The following PDE1C variants were observed in gnomAD, a reference collection of about 807,000 sequenced individuals.
PDE1C encodes dual specificity calcium/calmodulin-dependent 3',5'-cyclic nucleotide phosphodiesterase 1C.
A neutral mutation model predicts 93.1 loss-of-function variants in PDE1C; 62 were observed. The ratio of observed to expected loss-of-function variants is 0.67; its 90% CI spans 0.54 to 0.82. PDE1C has a LOEUF of 0.82. PDE1C is among the 40% of genes least tolerant of loss of function. The pLI is 0.00. For synonymous variants in PDE1C, 325 were observed against 310.1 expected (o/e 1.05, Z -0.50); for missense variants, 742 against 884.6 (o/e 0.84, Z 2.04).
chr7:32,191,292 G>C (rs1804212524), intron 2 of PDE1C, among the ~76,000 whole-genome samples: 1 of 152,160 alleles, frequency 6.6e-6, no homozygotes, highest in Non-Finnish European at 1.5e-5. Flanking sequence ...ATCACAACCA[G>C]AATGTTGACA....
the PDE1C span, among the ~76,000 whole-genome samples, chr7:31,723,004 T>G: frequency 6.6e-6 from 1 of 152,224 alleles, no homozygotes; most frequent in Non-Finnish European, 1.5e-5. Context: ...ACCTGATCTT[T>G]TACTTAACTC....
intron 1 of PDE1C, among the ~76,000 whole-genome samples, chr7:32,337,272 A>C (rs1028654552): frequency 9.2e-5 from 14 of 152,172 alleles, no homozygotes; most frequent in African/African-American, 3.4e-4. Flanking sequence ...TCGGAAGTCA[A>C]TCTTGAACAA....
intron 11 of PDE1C, among the ~76,000 whole-genome samples, chr7:31,829,519 T>A (rs779929595): frequency 1.8e-4 from 27 of 152,118 alleles, no homozygotes; most frequent in Admixed American, 1.8e-3. Flanking sequence ...AACTGGATGA[T>A]TCTTCCTTCT....
At chr7:31,674,273 T>C in the PDE1C span, among the ~76,000 whole-genome samples, 1 of 152,122 alleles carries the variant, frequency 6.6e-6, no homozygotes, top group Non-Finnish European at 1.5e-5. Context: ...AATAGTATGC[T>C]TTGATGGAAG....
chr7:32,119,551 C>T (rs1387752474), intron 3 of PDE1C, among the ~76,000 whole-genome samples: 2 of 152,170 alleles, frequency 1.3e-5, no homozygotes, highest in African/African-American at 2.4e-5. Context: ...CAAAAAGAAC[C>T]ATAATAGCGT....
intron 5 of PDE1C, among the ~76,000 whole-genome samples, chr7:31,876,421 G>T (rs1286760830): frequency 6.6e-6 from 1 of 152,214 alleles, no homozygotes; most frequent in African/African-American, 2.4e-5. Context: ...ATCACAGTTT[G>T]TTCCAATTCT....
At chr7:32,364,925 T>C (rs1429312894) in intron 1 of PDE1C, among the ~76,000 whole-genome samples, 1 of 152,232 alleles carries the variant, frequency 6.6e-6, no homozygotes, top group Non-Finnish European at 1.5e-5. Context: ...CCCTTGCTTC[T>C]AGTCAGAGGA....
the PDE1C span, among the ~76,000 whole-genome samples, chr7:31,680,459 C>A: frequency 6.6e-6 from 1 of 152,288 alleles, no homozygotes; most frequent in East Asian, 1.9e-4. Flanking sequence ...TTATTCTAGT[C>A]ACTCCCTTGC....
rs189803764 is a variant in PDE1C at position 32,247,635 on chromosome 7, C to A, written c.86-38096G>T. On this transcript the variant is annotated intron_variant, in intron 1 of 18. Transcript: ENST00000396193. ...TTAATAGAAACTGTATTTCAAGTAC[C>A]CATATAATCATTCTGTTTCTCACTT... Among the ~76,000 whole-genome samples the A allele has an allele frequency of 1.2e-4, 18 of 152,156 alleles. No individual in the cohort carries two copies. The East Asian group carries it at 3.3e-3, about 28-fold the overall frequency.
intron 3 of PDE1C, among the ~76,000 whole-genome samples, chr7:32,150,436 A>C (rs1330666869): frequency 6.6e-6 from 1 of 152,122 alleles, no homozygotes; most frequent in African/African-American, 2.4e-5. Context: ...CCCTTTCTTC[A>C]AAGGTCAGTA....
chr7:31,820,886 C>T (rs1788875962), intron 14 of PDE1C: 2 of 150,882 alleles, frequency 1.3e-5, no homozygotes, highest in South Asian at 4.2e-4. Flanking sequence ...GTGCAGGCTG[C>T]TTTCTCAGTG....
At chr7:32,268,698 C>T (rs1810772353) in intron 1 of PDE1C, among the ~76,000 whole-genome samples, 1 of 152,028 alleles carries the variant, frequency 6.6e-6, no homozygotes, top group Non-Finnish European at 1.5e-5. Flanking sequence ...CAGCCTTTCA[C>T]TGGAAGGGAA....
At chr7:31,713,529 C>T in the PDE1C span, among the ~76,000 whole-genome samples, 3 of 152,202 alleles carry the variant, frequency 2.0e-5, no homozygotes, top group Non-Finnish European at 4.4e-5. Context: ...TGGCCCTCTT[C>T]CCACAGCTCT....
intron 1 of PDE1C, among the ~76,000 whole-genome samples, chr7:32,281,444 G>T (rs1435976309): frequency 6.6e-6 from 1 of 152,134 alleles, no homozygotes; most frequent in Admixed American, 6.5e-5. Flanking sequence ...GTCAGGCCAG[G>T]TATGGTGGTT....
intron 1 of PDE1C, among the ~76,000 whole-genome samples, chr7:32,347,333 G>A (rs1319098411): frequency 6.6e-6 from 1 of 152,328 alleles, no homozygotes; most frequent in East Asian, 1.9e-4. Flanking sequence ...TCAAGGAAGA[G>A]TGAAACTTTA....
chr7:31,643,396 CAGG>C, the PDE1C span: 1 of 1,613,974 alleles, frequency 6.2e-7, no homozygotes, highest in South Asian at 1.1e-5. Flanking sequence ...AGATCCTGCC[CAGG>C]TGAAGTCAAG....
At chr7:32,183,083 C>T (rs530482099) in intron 2 of PDE1C, among the ~76,000 whole-genome samples, 1 of 152,152 alleles carries the variant, frequency 6.6e-6, no homozygotes, top group African/African-American at 2.4e-5. Context: ...CCTAGGAATC[C>T]AACTTATAAG....
chr7:31,704,315 CATGAACT>C, the PDE1C span, among the ~76,000 whole-genome samples: 2 of 152,060 alleles, frequency 1.3e-5, no homozygotes, highest in Non-Finnish European at 1.5e-5. Context: ...ATGTAATGTG[CATGAACT>C]ATTTTAGATG....
At chr7:32,020,116 T>C (rs897231740) in intron 2 of PDE1C, among the ~76,000 whole-genome samples, 1 of 152,064 alleles carries the variant, frequency 6.6e-6, no homozygotes, top group Non-Finnish European at 1.5e-5. Context: ...GGCTCTCAAG[T>C]GGTCTCTCTT....
Sources: gnomAD v4.1 joint callset for allele counts (sites outside exome capture counted in the v4.1 genomes callset) on GRCh38, gnomAD v4.1.1 for gene constraint, MANE v1.5 for transcripts, NCBI Gene and HGNC (gene_info 2026-07-23, HGNC 2026-07-21) for gene names.